Variants in PUS3 observed in about 807,000 individuals in gnomAD.
The protein encoded by PUS3 is pseudouridine synthase 3.
In PUS3, 36 loss-of-function variants were observed where a neutral mutation model predicts 43.3. That is an observed-to-expected ratio of 0.83 (90% CI 0.64 to 1.10). PUS3 has a LOEUF of 1.10. Among genes scored for constraint, PUS3 ranks in the 50% least tolerant of loss-of-function variants. The pLI, the probability that PUS3 is intolerant of heterozygous loss-of-function variation, is 0.00. For synonymous variants in PUS3, 183 were observed against 199.2 expected, an observed-to-expected ratio of 0.92 and a Z score of 0.69; for missense variants, 544 against 589.9, an observed-to-expected ratio of 0.92 and a Z score of 0.81.
At chr11:125,902,023 C>T (rs1194575118) in intron 1 of PUS3, among the ~76,000 whole-genome samples, 1 of 152,168 alleles carries the variant, frequency 6.6e-6, no homozygotes, top group Non-Finnish European at 1.5e-5. Flanking sequence ...CAAAGTCCAA[C>T]ATTACCAAAG....
At chr11:125,896,434 C>T (rs1202029257) in intron 1 of PUS3, 104 bp from the exon 2 acceptor site, 2 of 804,700 alleles carry the variant, frequency 2.5e-6, no homozygotes, top group Non-Finnish European at 3.8e-6. Flanking sequence ...TATACTTTTG[C>T]TTTTCCAGGA....
chr11:125,896,111 A>G lies in PUS3; in HGVS notation c.174T>C (p.Ser58=), dbSNP rs754323759. 5.0e-6 allele frequency: 8 copies of G among 1,614,100 alleles called. No individual in the cohort carries two copies. In the Admixed American group the frequency reaches 8.3e-5, roughly 17 times the overall value. Residue 58 remains serine (S), a synonymous_variant, in exon 2 of 4, where the codon AGT becomes AGC. Coordinates refer to ENST00000227474, the MANE Select transcript of PUS3 (RefSeq NM_031307.4). ...AGKTKRAFDF[S]AHGRRHVALR... ...GGGCTACGTGTCTTCGGCCATGAGCACTGAAATCAAATGCACGCTTAGTTT... is the reference window on the plus strand; with the variant it reads ...GGGCTACGTGTCTTCGGCCATGAGCGCTGAAATCAAATGCACGCTTAGTTT...
chr11:125,895,366 C>T lies in PUS3; in HGVS notation c.802G>A (p.Glu268Lys), dbSNP rs561385901. The change falls in exon 3 of 4, where the codon GAA (glutamate) becomes AAA (lysine). Residue 268 changes from glutamate (E) to lysine (K), a missense_variant. Glu to Lys is a moderately conservative substitution (Grantham distance 56, BLOSUM62 1). Coordinates refer to ENST00000227474, the MANE Select transcript of PUS3 (RefSeq NM_031307.4). The stretch of plus-strand genomic sequence containing the variant: ...TAAAGGAATGCCTGGCCAGTCACTT[C>T]AAACTGACATAACTGGAAAGGTTCT... ...WQEPFQLCQF[E>K]VTGQAFLYHQ... 1 of 1,614,226 alleles carries T rather than the reference C, an allele frequency of 6.2e-7. No homozygotes were observed. Among genetic ancestry groups the T allele is most frequent in the East Asian group, 2.2e-5 (1 of 44,892 alleles).
rs776267686 is a variant in PUS3, at chr11:125,896,868, T to C, written c.-46-538A>G. Among the ~76,000 whole-genome samples the C allele has an allele frequency of 2.0e-5, 3 of 152,308 alleles. No individual in the cohort carries two copies. In the South Asian group the frequency reaches 6.2e-4, roughly 32 times the overall value. Reference sequence around the variant, plus strand: ...CCTAACTGAAGAAGCTTACCGATGGTTGTATTTCACATTGGAAGTAGAAGC... The same window carrying C: ...CCTAACTGAAGAAGCTTACCGATGGCTGTATTTCACATTGGAAGTAGAAGC... On this transcript the variant is annotated intron_variant, in intron 1 of 3. Transcript: ENST00000227474.
intron 1 of PUS3, among the ~76,000 whole-genome samples, chr11:125,898,022 T>A (rs1388932008): frequency 2.0e-5 from 3 of 152,218 alleles, no homozygotes; most frequent in Non-Finnish European, 4.4e-5. Context: ...AATGTCGGCC[T>A]GTGCTGATAT....
chr11:125,896,821 T>C (rs1944604641), intron 1 of PUS3, among the ~76,000 whole-genome samples: 1 of 152,166 alleles, frequency 6.6e-6, no homozygotes, highest in African/African-American at 2.4e-5. Context: ...AGATGAATAT[T>C]AGGTGGTGCA....
chr11:125,895,918 C>CA lies in PUS3; in HGVS notation c.366dup (p.Ala123CysfsTer9). 1 of 1,612,772 alleles carries CA rather than the reference C, an allele frequency of 6.2e-7. No individual in the cohort carries two copies. The highest frequency in any genetic ancestry group is 8.5e-7 in the Non-Finnish European group (1 of 1,179,940). ...GTATTGGCCCTTACCTGTCCAAAGG[C>CA]ACTAACTCCTTTATCTGTTCTCCCA... On this transcript the variant is annotated frameshift_variant, in exon 2 of 4. Coordinates refer to ENST00000227474, the MANE Select transcript of PUS3 (RefSeq NM_031307.4). LOFTEE classifies it high-confidence loss of function.
At chr11:125,899,516 C>A in intron 1 of PUS3, 14 of 1,614,126 alleles carry the variant, frequency 8.7e-6, no homozygotes, top group Non-Finnish European at 1.2e-5. Flanking sequence ...CCAATATGAT[C>A]CCTACAGTAA....
intron 1 of PUS3, chr11:125,900,218 G>A (rs766123529): frequency 1.2e-6 from 2 of 1,614,138 alleles, no homozygotes; most frequent in East Asian, 4.5e-5. Context: ...TTGTGACCTT[G>A]CAAATGGTGT....
chr11:125,896,059 A>G lies in PUS3; in HGVS notation c.226T>C (p.Tyr76His). The G allele has an allele frequency of 6.2e-7, 1 of 1,614,244 alleles. No homozygotes were observed. The highest frequency in any genetic ancestry group is 8.5e-7 in the Non-Finnish European group (1 of 1,180,042). The change falls in exon 2 of 4, where the codon TAC (tyrosine) becomes CAC (histidine). Residue 76 changes from tyrosine (Y) to histidine (H), a missense_variant. Tyr to His is a moderately conservative substitution (Grantham distance 83). Transcript: ENST00000227474. ...ALRIAYMGWG[Y>H]QGFASQENTN... is the part of the protein sequence containing the mutation. ...TTTTCCTGACTAGCAAAGCCCTGGT[A>G]TCCCCAGCCCATATAGGCTATTCTT...
At chr11:125,902,468 G>T (rs1202963796) in intron 1 of PUS3, among the ~76,000 whole-genome samples, 1 of 151,936 alleles carries the variant, frequency 6.6e-6, no homozygotes, top group African/African-American at 2.4e-5. Flanking sequence ...TTAAAAACTA[G>T]GCTGCCAAGA....
Position 125,894,294 on chromosome 11 carries a change from A to G in PUS3, c.945-8T>C, listed in dbSNP as rs780881779. 1.2e-5 allele frequency: 19 copies of G among 1,578,640 alleles called. No individual in the cohort carries two copies. Among genetic ancestry groups the G allele is most frequent in the Non-Finnish European group, 1.5e-5 (17 of 1,159,710 alleles). ...GGAAATTCTACAGCCATACTAGAGA[A>G]AAAGAGAAAAGAAAGTTTGAGAATA... On this transcript the variant is annotated splice_region_variant and splice_polypyrimidine_tract_variant and intron_variant, in intron 3 of 3. Coordinates refer to ENST00000227474, the MANE Select transcript of PUS3 (RefSeq NM_031307.4).
intron 1 of PUS3, chr11:125,900,184 G>T (rs775566887): frequency 6.2e-7 from 1 of 1,614,144 alleles, no homozygotes; most frequent in Non-Finnish European, 8.5e-7. Flanking sequence ...AGAAGAAAAG[G>T]TCTGCACTCC....
chr11:125,896,410 T>A, intron 1 of PUS3, 80 bp from the exon 2 acceptor site: 1 of 961,428 alleles, frequency 1.0e-6, no homozygotes, highest in Non-Finnish European at 1.5e-6. Context: ...AGATTTAATT[T>A]AATGCCCAAA....
chr11:125,896,714 ATTTCT>A (rs1450412141), intron 1 of PUS3, among the ~76,000 whole-genome samples: 3 of 152,114 alleles, frequency 2.0e-5, no homozygotes, highest in African/African-American at 7.2e-5. Context: ...TAGTCATAAG[ATTTCT>A]TTATATGGGC....
In PUS3 at chr11:125,895,599, C is replaced by T. The variant is rs780046582; in HGVS notation, c.569G>A (p.Cys190Tyr). ...VEPSFSARFS[C>Y]LERTYRYFFP... ...AAAATAGCGGTAAGTCCGCTCAAGGCAGCTGAACCTAGCACTGAAGCTTGG... is the reference window on the plus strand; with the variant it reads ...AAAATAGCGGTAAGTCCGCTCAAGGTAGCTGAACCTAGCACTGAAGCTTGG... The change falls in exon 3 of 4, where the codon TGC becomes TAC. Residue 190 changes from cysteine (C) to tyrosine (Y), a missense_variant. Coordinates refer to ENST00000227474, the MANE Select transcript of PUS3 (RefSeq NM_031307.4). 5.1e-5 allele frequency: 82 copies of T among 1,614,122 alleles called. No homozygotes were observed. Among genetic ancestry groups the T allele is most frequent in the Non-Finnish European group, 6.7e-5 (79 of 1,180,056 alleles).
chr11:125,895,002 G>A (rs1334854513), intron 3 of PUS3, among the ~76,000 whole-genome samples: 1 of 151,738 alleles, frequency 6.6e-6, no homozygotes. Flanking sequence ...GGCAGAATCA[G>A]TGACTTCGTT....
chr11:125,899,914 C>G lies in PUS3; in HGVS notation c.-47+3256G>C, dbSNP rs149584336. On this transcript the variant is annotated intron_variant, in intron 1 of 3. Transcript: ENST00000227474. ...GAGAAGGAATGGGCTCTCCAGCTTA[C>G]GAACAAGACCTGATTGTTGCCAGCA... 2.8e-5 allele frequency: 46 copies of G among 1,614,068 alleles called. No individual in the cohort carries two copies. Among genetic ancestry groups the G allele is most frequent in the Non-Finnish European group, 3.6e-5 (42 of 1,180,046 alleles).
Position 125,894,217 on chromosome 11 carries a change from C to T in PUS3, c.1014G>A (p.Gln338=). The change falls in exon 4 of 4, where the codon CAG becomes CAA. Residue 338 remains glutamine, a synonymous_variant. Transcript: ENST00000227474. ...GGGTAATATTGAACTCCTGAGCCTC[C>T]TGGTCATAGATCCACTTGACATTTT... The part of the protein sequence containing the change: ...KFENVKWIYD[Q]EAQEFNITHL... 6.2e-7 allele frequency: 1 copy of T among 1,613,730 alleles called. No individual in the cohort carries two copies. Among genetic ancestry groups the T allele is most frequent in the Non-Finnish European group, 8.5e-7 (1 of 1,179,690 alleles).
Sources: gnomAD v4.1 joint callset for allele counts (sites outside exome capture counted in the v4.1 genomes callset) on GRCh38, gnomAD v4.1.1 for gene constraint, MANE v1.5 for transcripts, NCBI Gene and HGNC (gene_info 2026-07-23, HGNC 2026-07-21) for gene names.